Variants in FEZ2 observed in about 807,000 individuals in gnomAD.
The protein encoded by FEZ2 is fasciculation and elongation protein zeta-2.
A neutral mutation model predicts 40.4 loss-of-function variants in FEZ2; 51 were observed. The ratio of observed to expected loss-of-function variants is 1.26; its 90% CI spans 1.01 to 1.59. FEZ2 has a LOEUF of 1.59. Ranked by LOEUF, FEZ2 falls within the 40% of genes most tolerant of loss-of-function variation. The pLI is 0.00. For synonymous variants in FEZ2, 242 were observed against 172.0 expected (o/e 1.41, Z -3.18); for missense variants, 640 against 438.3 (o/e 1.46, Z -4.11).
At chr2:36,568,646 G>A (rs1272417152) in intron 5 of FEZ2, among the ~76,000 whole-genome samples, 2 of 152,178 alleles carry the variant, frequency 1.3e-5, no homozygotes, top group Admixed American at 6.5e-5. Flanking sequence ...GCCCATTTGT[G>A]AGCAGGGAAA....
chr2:36,570,331 G>A (rs897437224), intron 5 of FEZ2, among the ~76,000 whole-genome samples: 2 of 151,810 alleles, frequency 1.3e-5, no homozygotes, highest in Non-Finnish European at 2.9e-5. Flanking sequence ...TATTTTTATG[G>A]CAGAAAAAAT....
chr2:36,578,567 G>A, intron 5 of FEZ2, 30 bp downstream of exon 5: 1 of 1,593,178 alleles, frequency 6.3e-7, no homozygotes, highest in Non-Finnish European at 8.5e-7. Flanking sequence ...TGTTTCCAGT[G>A]TTCGACGCCT....
intron 1 of FEZ2, among the ~76,000 whole-genome samples, chr2:36,595,351 G>T (rs1369064605): frequency 6.6e-6 from 1 of 151,900 alleles, no homozygotes; most frequent in African/African-American, 2.4e-5. Context: ...CCTATCTGGG[G>T]GAGAGGGGAA....
chr2:36,584,812 G>A (rs1333800985), intron 2 of FEZ2, among the ~76,000 whole-genome samples: 3 of 152,176 alleles, frequency 2.0e-5, no homozygotes, highest in Non-Finnish European at 4.4e-5. Context: ...GAAGTTTGCA[G>A]GTGAACACAG....
At chr2:36,571,750 A>T (rs12105740) in intron 5 of FEZ2, among the ~76,000 whole-genome samples, 77 of 152,130 alleles carry the variant, frequency 5.1e-4, no homozygotes, top group African/African-American at 1.8e-3. Flanking sequence ...TCACTCCTGT[A>T]ATCCCAGCAC....
chr2:36,555,137 A>AC (rs1266937870), intron 7 of FEZ2, among the ~76,000 whole-genome samples: 8 of 152,026 alleles, frequency 5.3e-5, no homozygotes, highest in Non-Finnish European at 1.5e-5. Context: ...TGTGAGCCTC[A>AC]CCTTGCCTCT....
chr2:36,583,498 G>T, intron 2 of FEZ2, 29 bp from the exon 3 acceptor site: 1 of 1,142,294 alleles, frequency 8.8e-7, no homozygotes, highest in Non-Finnish European at 1.3e-6. Flanking sequence ...ATCATTAAAA[G>T]CAGGACATCC....
chr2:36,557,733 G>A (rs1245696318), intron 6 of FEZ2: 2 of 152,154 alleles, frequency 1.3e-5, no homozygotes, highest in African/African-American at 2.4e-5. Context: ...GCAAAAGAGA[G>A]TAAGTAACTT....
chr2:36,587,956 G>A (rs1466957817), intron 2 of FEZ2, among the ~76,000 whole-genome samples: 1 of 152,146 alleles, frequency 6.6e-6, no homozygotes, highest in Non-Finnish European at 1.5e-5. Context: ...GAATAGTCAT[G>A]TCACAACAGA....
chr2:36,556,073 C>T lies in FEZ2; in HGVS notation c.980-325G>A, dbSNP rs549666261. 103 of 499,634 alleles carry T rather than the reference C, an allele frequency of 2.1e-4. 2 individuals carry two copies. Among genetic ancestry groups the T allele is most frequent in the South Asian group, 1.1e-3 (72 of 64,276 alleles). The allele number at this position is 499,634 out of a possible 1,614,324, so 31.0% of individuals were successfully genotyped here. A position where few individuals can be genotyped will look rare whatever the true frequency, so the allele number is the denominator to read the frequency against. On this transcript the variant is annotated intron_variant, in intron 6 of 7. Transcript: ENST00000405912. ...AGGAGCCTTCGCTCTGTAATAATAC[C>T]GGAAAGTGGGTTACTATAATGTGCA...
intron 4 of FEZ2, 30 bp downstream of exon 4, chr2:36,581,260 G>A: frequency 1.2e-6 from 2 of 1,603,590 alleles, no homozygotes; most frequent in East Asian, 2.2e-5. Flanking sequence ...AAAAAGCACA[G>A]AAATCATTGA....
In FEZ2 at chr2:36,566,112, T is replaced by C. The variant is rs953079282; in HGVS notation, c.904-7599A>G. 3.9e-5 allele frequency among the ~76,000 whole-genome samples: 6 copies of C among 152,232 alleles called. No homozygotes were observed. In the South Asian group the frequency reaches 6.2e-4, roughly 16 times the overall value. On this transcript the variant is annotated intron_variant, in intron 5 of 7. Transcript: ENST00000405912. ...GGATCAATTAATGTTTGCCTAATAG[T>C]AGTATAAGAAAAGTTCAGGAGATGG...
At chr2:36,554,688 AC>A (rs1446248575) in intron 7 of FEZ2, among the ~76,000 whole-genome samples, 1 of 152,082 alleles carries the variant, frequency 6.6e-6, no homozygotes, top group Non-Finnish European at 1.5e-5. Flanking sequence ...CATGCTTCTT[AC>A]TCTCACCGCA....
chr2:36,593,066 A>G lies in FEZ2; in HGVS notation c.267-2055T>C, dbSNP rs75695871. On this transcript the variant is annotated intron_variant, in intron 1 of 7. Coordinates refer to ENST00000405912, the MANE Select transcript of FEZ2 (RefSeq NM_005102.3). ...GGGTTTCTGGCTCATACCTTCCTGG[A>G]TAAGAAATTTTCAAACACTGAATGA... 6.9e-3 allele frequency among the ~76,000 whole-genome samples: 1,058 copies of G among 152,294 alleles called. 15 individuals are homozygous for G. Among genetic ancestry groups the G allele is most frequent in the African/African-American group, 0.024 (1,018 of 41,560 alleles).
intron 2 of FEZ2, chr2:36,590,365 A>AT (rs1669033138): frequency 6.6e-6 from 1 of 151,734 alleles, no homozygotes; most frequent in African/African-American, 2.4e-5. Flanking sequence ...CAGTGCACCA[A>AT]ATTTTACTGA....
chr2:36,563,017 A>G (rs1016644830), intron 5 of FEZ2, among the ~76,000 whole-genome samples: 8 of 152,246 alleles, frequency 5.3e-5, no homozygotes, highest in African/African-American at 1.9e-4. Context: ...TGGAAAGCAC[A>G]TTCCAAAAAC....
chr2:36,555,852 A>G, intron 6 of FEZ2, 104 bp from the exon 7 acceptor site: 1 of 695,728 alleles, frequency 1.4e-6, no homozygotes, highest in Non-Finnish European at 2.5e-6. Flanking sequence ...ATTATAGGAT[A>G]TAACTGACTC....
intron 5 of FEZ2, among the ~76,000 whole-genome samples, chr2:36,567,439 A>C (rs547013444): frequency 1.2e-4 from 19 of 152,318 alleles, no homozygotes; most frequent in South Asian, 8.3e-4. Context: ...CGTGGTTTAT[A>C]AAACATAAAA....
intron 7 of FEZ2, among the ~76,000 whole-genome samples, chr2:36,553,412 T>C (rs994151387): frequency 1.3e-5 from 2 of 152,148 alleles, no homozygotes; most frequent in African/African-American, 2.4e-5. Flanking sequence ...CCATGTCTCT[T>C]AGGGTGCCAC....
Sources: allele counts gnomAD v4.1 joint callset (sites outside exome capture counted in the v4.1 genomes callset), GRCh38; gene constraint gnomAD v4.1.1; transcripts MANE v1.5; gene names NCBI Gene and HGNC (gene_info 2026-07-23, HGNC 2026-07-21).